PLXNA4: variants seen among roughly 807,000 people sequenced by gnomAD.
The protein encoded by PLXNA4 is plexin A4.
A neutral mutation model predicts 191.8 loss-of-function variants in PLXNA4; 44 were observed. That is an observed-to-expected ratio of 0.23 (90% CI 0.18 to 0.29). PLXNA4 has a LOEUF of 0.29. Ranked by LOEUF, PLXNA4 falls within the 10% of genes least tolerant of loss-of-function variation. The pLI, the probability that PLXNA4 is intolerant of heterozygous loss-of-function variation, is 1.00. For synonymous variants in PLXNA4, 1,082 were observed against 1,009.5 expected (o/e 1.07, Z -1.36); for missense variants, 1,800 against 2,488.8 (o/e 0.72, Z 5.89).
chr7:132,305,915 G>A (rs1184899458), intron 3 of PLXNA4, among the ~76,000 whole-genome samples: 1 of 152,138 alleles, frequency 6.6e-6, no homozygotes, highest in Non-Finnish European at 1.5e-5. Context: ...AGATTTGGGA[G>A]CTGGGCCCAG....
intron 1 of PLXNA4, among the ~76,000 whole-genome samples, chr7:132,519,308 CA>C (rs1047996203): frequency 6.6e-5 from 10 of 152,214 alleles, no homozygotes; most frequent in Admixed American, 4.6e-4. Context: ...AGGGTCTGTC[CA>C]GGGGTACTGG....
At chr7:132,611,516 A>G (rs897440228) in intron 2 of PLXNA4, among the ~76,000 whole-genome samples, 1 of 152,226 alleles carries the variant, frequency 6.6e-6, no homozygotes, top group African/African-American at 2.4e-5. Context: ...GAACGTCTCC[A>G]AGAAAGATCA....
At chr7:132,242,212 G>C (rs903214017) in intron 4 of PLXNA4, among the ~76,000 whole-genome samples, 1 of 150,946 alleles carries the variant, frequency 6.6e-6, no homozygotes, top group Non-Finnish European at 1.5e-5. Context: ...TATCTCAATG[G>C]AGAATCCTGC....
rs558481803 is a variant in PLXNA4, at chr7:132,392,903, G to A, written c.1372-94681C>T. On this transcript the variant is annotated intron_variant, in intron 3 of 31. Transcript: ENST00000321063. ...TTCACAAAACCCAGGAGCCCTAGGA[G>A]ATGCCGCCTCCCTGTGTCCATCTGA... 1.8e-4 allele frequency among the ~76,000 whole-genome samples: 28 copies of A among 152,226 alleles called. No individual in the cohort carries two copies. In the South Asian group the frequency reaches 5.8e-3, roughly 32 times the overall value.
intron 3 of PLXNA4, among the ~76,000 whole-genome samples, chr7:132,469,682 C>G (rs1171498291): frequency 6.6e-6 from 1 of 152,190 alleles, no homozygotes; most frequent in African/African-American, 2.4e-5. Flanking sequence ...TGTGGTTTCT[C>G]AATGCATTCG....
At chr7:132,287,970 G>A (rs1800747322) in intron 4 of PLXNA4, among the ~76,000 whole-genome samples, 1 of 152,196 alleles carries the variant, frequency 6.6e-6, no homozygotes, top group South Asian at 2.1e-4. Flanking sequence ...GCCTTCTATG[G>A]CTGGTTCTGA....
chr7:132,558,592 G>A (rs1288924131), intron 1 of PLXNA4, among the ~76,000 whole-genome samples: 1 of 152,224 alleles, frequency 6.6e-6, no homozygotes, highest in Non-Finnish European at 1.5e-5. Context: ...ACAAAGGAGA[G>A]TGAAATGAGC....
At chr7:132,617,320 A>C (rs534521692) in intron 2 of PLXNA4, among the ~76,000 whole-genome samples, 1 of 152,142 alleles carries the variant, frequency 6.6e-6, no homozygotes, top group Admixed American at 6.5e-5. Flanking sequence ...AACGGCTCAG[A>C]GTCTGAAGAC....
At chr7:132,197,749 G>C (rs1468734724) in intron 13 of PLXNA4, among the ~76,000 whole-genome samples, 1 of 152,160 alleles carries the variant, frequency 6.6e-6, no homozygotes, top group Non-Finnish European at 1.5e-5. Flanking sequence ...CCAGCAAGCA[G>C]AAATGGAAAC....
intron 3 of PLXNA4, among the ~76,000 whole-genome samples, chr7:132,416,033 G>C (rs774271035): frequency 2.0e-5 from 3 of 152,178 alleles, no homozygotes; most frequent in Non-Finnish European, 2.9e-5. Context: ...TTAAAATCTA[G>C]TTCCTTAGTC....
chr7:132,502,972 G>A (rs116285428), intron 2 of PLXNA4, among the ~76,000 whole-genome samples: 3,090 of 152,246 alleles, frequency 0.02, 74 homozygotes, highest in African/African-American at 0.057. Flanking sequence ...TTCTAGTTGA[G>A]GGACACTCAG....
At chr7:132,446,724 G>A (rs1248335086) in intron 3 of PLXNA4, among the ~76,000 whole-genome samples, 2 of 152,150 alleles carry the variant, frequency 1.3e-5, no homozygotes, top group African/African-American at 4.8e-5. Context: ...CACCCTATCC[G>A]AATTCCCAAG....
At chr7:132,329,618 C>A (rs1802512275) in intron 3 of PLXNA4, among the ~76,000 whole-genome samples, 1 of 152,208 alleles carries the variant, frequency 6.6e-6, no homozygotes, top group African/African-American at 2.4e-5. Context: ...GGGCCTCCAG[C>A]TCCTTTGGAT....
At chr7:132,440,578 T>C (rs1795661024) in intron 3 of PLXNA4, among the ~76,000 whole-genome samples, 1 of 152,216 alleles carries the variant, frequency 6.6e-6, no homozygotes, top group South Asian at 2.1e-4. Flanking sequence ...GGGTGTGTGT[T>C]CATAATTCTT....
intron 2 of PLXNA4, among the ~76,000 whole-genome samples, chr7:132,589,683 G>T (rs1802570181): frequency 6.6e-6 from 1 of 152,170 alleles, no homozygotes; most frequent in Non-Finnish European, 1.5e-5. Context: ...AGATAAAGTG[G>T]AGATCAAAGC....
At chr7:132,161,775 G>A (rs1795958204) in intron 24 of PLXNA4, among the ~76,000 whole-genome samples, 1 of 152,138 alleles carries the variant, frequency 6.6e-6, no homozygotes, top group Non-Finnish European at 1.5e-5. Context: ...AAGCTCCCAG[G>A]TGGGCATTTA....
At chr7:132,258,164 C>T (rs902588423) in intron 4 of PLXNA4, among the ~76,000 whole-genome samples, 7 of 152,248 alleles carry the variant, frequency 4.6e-5, no homozygotes, top group Non-Finnish European at 5.9e-5. Flanking sequence ...AGGGTCTCCC[C>T]ACCCCTGGTG....
chr7:132,251,243 A>C (rs1799240032), intron 4 of PLXNA4, among the ~76,000 whole-genome samples: 1 of 152,178 alleles, frequency 6.6e-6, no homozygotes, highest in Admixed American at 6.5e-5. Flanking sequence ...AAAATGTTTA[A>C]TTTAACTGAC....
At chr7:132,632,725 C>T (rs1197096009) in intron 2 of PLXNA4, among the ~76,000 whole-genome samples, 2 of 152,128 alleles carry the variant, frequency 1.3e-5, no homozygotes, top group Non-Finnish European at 2.9e-5. Flanking sequence ...TTTTAAATGA[C>T]TTGTTAACAC....
Sources: allele counts gnomAD v4.1 joint callset (sites outside exome capture counted in the v4.1 genomes callset), GRCh38; gene constraint gnomAD v4.1.1; transcripts MANE v1.5; gene names NCBI Gene and HGNC (gene_info 2026-07-23, HGNC 2026-07-21).